The following CES1 variants were observed in gnomAD, a reference collection of about 807,000 sequenced individuals.
The protein encoded by CES1 is liver carboxylesterase 1.
A neutral mutation model predicts 53.0 loss-of-function variants in CES1; 50 were observed. That is an observed-to-expected ratio of 0.94 (90% confidence interval 0.75 to 1.19). CES1 has a LOEUF of 1.19. CES1 is among the 50% of genes most tolerant of loss of function. The pLI is 0.00. For synonymous variants in CES1, 202 were observed against 210.1 expected, an observed-to-expected ratio of 0.96 and a Z score of 0.33; for missense variants, 534 against 538.0, an observed-to-expected ratio of 0.99 and a Z score of 0.07.
At chr16:55,812,182 C>T (rs1470088514) in intron 9 of CES1, among the ~76,000 whole-genome samples, 1 of 152,224 alleles carries the variant, frequency 6.6e-6, no homozygotes, top group East Asian at 1.9e-4. Context: ...TGTTTATCTT[C>T]AACTGGAAGG....
At chr16:55,817,508 C>T (rs1180207306) in intron 7 of CES1, among the ~76,000 whole-genome samples, 1 of 152,210 alleles carries the variant, frequency 6.6e-6, no homozygotes, top group Admixed American at 6.5e-5. Context: ...GAGTCTCATC[C>T]TACCCCATGC....
intron 1 of CES1, among the ~76,000 whole-genome samples, chr16:55,829,762 G>T (rs1335928428): frequency 2.0e-5 from 3 of 152,226 alleles, no homozygotes; most frequent in African/African-American, 7.2e-5. Context: ...AGCAGGAACC[G>T]TTCCAGATAA....
chr16:55,819,697 A>C lies in CES1; in HGVS notation c.802-58T>G. The C allele has an allele frequency of 4.2e-6, 6 of 1,417,776 alleles. No homozygotes were observed. The South Asian group carries it at 4.5e-5, about 11-fold the overall frequency. 87.8% of individuals were successfully genotyped at this position (1,417,776 alleles called of 1,614,324 possible). Reference sequence around the variant, plus strand: ...GAGCGACATCCCTTCCCTCCATCAAAGAGGAAAGTGGCATTCTATCCCAAG... The same window carrying C: ...GAGCGACATCCCTTCCCTCCATCAACGAGGAAAGTGGCATTCTATCCCAAG... On this transcript the variant is annotated intron_variant, in intron 6 of 13. Coordinates refer to ENST00000360526, the MANE Select transcript of CES1 (RefSeq NM_001025195.2).
At chr16:55,820,611 T>C in intron 5 of CES1, 132 bp from the exon 6 acceptor site, 1 of 1,446,656 alleles carries the variant, frequency 6.9e-7, no homozygotes, top group Non-Finnish European at 9.6e-7. Context: ...GGGCTGACCC[T>C]CTGCCCACCT....
At chr16:55,823,931 C>T (rs1254706209) in intron 3 of CES1, among the ~76,000 whole-genome samples, 1 of 152,264 alleles carries the variant, frequency 6.6e-6, no homozygotes, top group African/African-American at 2.4e-5. Flanking sequence ...TCCAGTGCCT[C>T]CTCCCCGAAA....
intron 7 of CES1, among the ~76,000 whole-genome samples, chr16:55,817,409 C>T (rs1192954707): frequency 6.6e-6 from 1 of 152,200 alleles, no homozygotes; most frequent in Non-Finnish European, 1.5e-5. Flanking sequence ...CACGACGATG[C>T]TATTGCAACA....
chr16:55,810,378 C>G, intron 11 of CES1, 139 bp downstream of exon 11: 1 of 1,155,596 alleles, frequency 8.7e-7, no homozygotes, highest in Non-Finnish European at 1.3e-6. Flanking sequence ...AAGACAGCAC[C>G]TCATCCCATG....
chr16:55,814,808 C>G (rs2031861569), intron 8 of CES1, among the ~76,000 whole-genome samples: 1 of 152,234 alleles, frequency 6.6e-6, no homozygotes, highest in South Asian at 2.1e-4. Flanking sequence ...TTCGGACTGC[C>G]TGGGGGAGAT....
chr16:55,828,066 G>T (rs776137074), intron 2 of CES1: 1 of 152,328 alleles, frequency 6.6e-6, no homozygotes, highest in East Asian at 1.9e-4. Flanking sequence ...AAAAGAAGGC[G>T]GCCACTGGTG....
rs1186142317 is a variant in CES1, at chr16:55,813,104, T to C, written c.946-61A>G. The C allele has an allele frequency of 1.9e-6, 3 of 1,607,768 alleles. No individual in the cohort carries two copies. In the African/African-American group the frequency reaches 4.0e-5, roughly 21 times the overall value. ...CCCTAGTCACACCCATGTCCCCAAC[T>C]CTGCCTGTCTGAGGGTGAGACCAGT... On this transcript the variant is annotated intron_variant, in intron 8 of 13. Transcript: ENST00000360526.
At chr16:55,822,250 T>G (rs1181843184) in intron 4 of CES1, among the ~76,000 whole-genome samples, 1 of 152,254 alleles carries the variant, frequency 6.6e-6, no homozygotes, top group African/African-American at 2.4e-5. Context: ...TCACTCTGGC[T>G]ACTGTGCAAC....
intron 3 of CES1, 67 bp downstream of exon 3, chr16:55,826,084 C>A: frequency 1.2e-6 from 2 of 1,605,060 alleles, no homozygotes; most frequent in South Asian, 1.1e-5. Context: ...CACTCCCTTC[C>A]ATTCTGCCCC....
rs1373583146 is a variant in CES1, at chr16:55,820,244, T to A, written c.801+128A>T. 5 of 666,540 alleles carry A rather than the reference T, an allele frequency of 7.5e-6. No individual in the cohort carries two copies. In the African/African-American group the frequency reaches 9.2e-5, roughly 12 times the overall value. The allele number at this position is 666,540 out of a possible 1,614,324, so 41.3% of individuals were successfully genotyped here. A position where few individuals can be genotyped will look rare whatever the true frequency, so the allele number is the denominator to read the frequency against. ...TCTCCTCGCCCTTCCTGCTCAGCCA[T>A]TGGTGCCTCAGTGATTCTAGGAGAA... On this transcript the variant is annotated intron_variant, in intron 6 of 13. Coordinates refer to ENST00000360526, the MANE Select transcript of CES1 (RefSeq NM_001025195.2).
At chr16:55,812,644 C>T (rs2031749027) in intron 9 of CES1, among the ~76,000 whole-genome samples, 1 of 152,148 alleles carries the variant, frequency 6.6e-6, no homozygotes, top group Non-Finnish European at 1.5e-5. Context: ...CTCTACTGGC[C>T]CTCCCAGCAC....
At chr16:55,812,291 G>T (rs76746709) in intron 9 of CES1, 9,148 of 156,062 alleles carry the variant, frequency 0.059, 330 homozygotes, top group Middle Eastern at 0.12. Flanking sequence ...TTTGATCATG[G>T]GTAATTTGGG....
At chr16:55,830,797 G>GGAAA (rs2032618662) in intron 1 of CES1, among the ~76,000 whole-genome samples, 2 of 147,756 alleles carry the variant, frequency 1.4e-5, no homozygotes, top group African/African-American at 2.6e-5. Context: ...AAGGAAGGAA[G>GGAAA]GAAGGAAGGA....
chr16:55,826,324 A>C (rs147691152), intron 2 of CES1, 29 bp from the exon 3 acceptor site: 320 of 1,613,820 alleles, frequency 2.0e-4, no homozygotes, highest in Admixed American at 4.7e-4. Flanking sequence ...GAACCCCTGA[A>C]GTTCAGCCAG....
At chr16:55,823,094 G>A (rs1358001826) in intron 4 of CES1, among the ~76,000 whole-genome samples, 1 of 152,016 alleles carries the variant, frequency 6.6e-6, no homozygotes, top group Non-Finnish European at 1.5e-5. Context: ...CCCACCATCT[G>A]CAGCCCCCAT....
Position 55,816,952 on chromosome 16 carries a change from G to A in CES1, c.917C>T (p.Ser306Phe), listed in dbSNP as rs758104547. The change falls in exon 8 of 14, where the codon TCT becomes TTT. Residue 306 changes from serine to phenylalanine, a missense_variant. By Grantham distance (155) the Ser-to-Phe change is radical (BLOSUM62 -2). This residue lies in a region of CES1 where 269 missense variants were observed against 206.6 expected (regional missense o/e 1.30). Coordinates refer to ENST00000360526, the MANE Select transcript of CES1 (RefSeq NM_001025195.2). ...TCTGGGGTCTCCCTGTAAGTCCAGA[G>A]ATAAGAATTTCTGTGAAGACAAAGG... ...LETTLKMKFLSLDLQGDPRES... is the reference protein window; with the variant it reads ...LETTLKMKFLFLDLQGDPRES... The A allele has an allele frequency of 1.2e-6, 2 of 1,614,144 alleles. No individual in the cohort carries two copies. The highest frequency in any genetic ancestry group is 1.7e-6 in the Non-Finnish European group (2 of 1,180,006).
Sources: allele counts gnomAD v4.1 joint callset (sites outside exome capture counted in the v4.1 genomes callset), GRCh38; gene constraint gnomAD v4.1.1; regional missense constraint gnomAD v4.1.1; transcripts MANE v1.5; gene names NCBI Gene and HGNC (gene_info 2026-07-23, HGNC 2026-07-21).